The following CACNA1C variants were observed in gnomAD, a reference collection of about 807,000 sequenced individuals.
CACNA1C encodes calcium voltage-gated channel subunit alpha1 C, also known as voltage-dependent L-type calcium channel subunit alpha-1C.
CACNA1C carries 30 observed loss-of-function variants against 229.0 expected under a neutral mutation model. The ratio of observed to expected loss-of-function variants is 0.13; its 90% CI spans 0.10 to 0.18. The LOEUF is 0.18. CACNA1C is among the 10% of genes least tolerant of loss of function. The pLI, the probability that CACNA1C is intolerant of heterozygous loss-of-function variation, is 1.00. For missense variants in CACNA1C, 1,658 were observed against 2,845.0 expected, an observed-to-expected ratio of 0.58 and a Z score of 9.49; for synonymous variants, 1,114 against 1,132.5, an observed-to-expected ratio of 0.98 and a Z score of 0.33.
intron 3 of CACNA1C, among the ~76,000 whole-genome samples, chr12:2,279,794 G>T (rs1336731958): frequency 6.6e-6 from 1 of 152,194 alleles, no homozygotes. Flanking sequence ...CATTTATATT[G>T]TATTGGTTTT....
chr12:2,456,333 C>T (rs2099418415), intron 4 of CACNA1C, among the ~76,000 whole-genome samples: 1 of 152,358 alleles, frequency 6.6e-6, no homozygotes. Context: ...CAGCTGGTCT[C>T]TGGCCTCGCC....
intron 3 of CACNA1C, among the ~76,000 whole-genome samples, chr12:2,327,086 G>A (rs1450965531): frequency 2.0e-5 from 3 of 152,220 alleles, no homozygotes; most frequent in Non-Finnish European, 2.9e-5. Context: ...ATCAGCTAGT[G>A]AGCTGGAAGC....
At chr12:2,031,246 C>T (rs2048168721) in intron 1 of CACNA1C, among the ~76,000 whole-genome samples, 1 of 152,212 alleles carries the variant, frequency 6.6e-6, no homozygotes, top group African/African-American at 2.4e-5. Context: ...GGGGGTCCAA[C>T]CTGGATTTTG....
At chr12:2,017,355 G>A (rs2045568914) in intron 1 of CACNA1C, among the ~76,000 whole-genome samples, 1 of 152,172 alleles carries the variant, frequency 6.6e-6, no homozygotes, top group Admixed American at 6.5e-5. Context: ...AAAGAATTCC[G>A]TTAGTACTTT....
chr12:2,531,568 AGCTGAGGAGAGGAT>A (rs985591691), intron 9 of CACNA1C, among the ~76,000 whole-genome samples: 6 of 152,182 alleles, frequency 3.9e-5, no homozygotes, highest in African/African-American at 1.4e-4. Context: ...TCTGTGGCTA[AGCTGAGGAGAGGAT>A]GCCCTCATTT....
chr12:2,423,231 T>C (rs1053739369), intron 3 of CACNA1C, among the ~76,000 whole-genome samples: 1 of 152,158 alleles, frequency 6.6e-6, no homozygotes, highest in African/African-American at 2.4e-5. Flanking sequence ...AGTATTCTCA[T>C]GGTGCGTTTT....
intron 14 of CACNA1C, 146 bp downstream of exon 14, chr12:2,581,943 A>T: frequency 1.8e-6 from 1 of 559,116 alleles, no homozygotes; most frequent in East Asian, 2.8e-5. Context: ...GAGAGTCTTG[A>T]GTTTTTTCTG....
intron 3 of CACNA1C, among the ~76,000 whole-genome samples, chr12:2,425,047 G>A (rs553990421): frequency 1.2e-4 from 18 of 152,406 alleles, no homozygotes; most frequent in Admixed American, 5.9e-4. Context: ...ATGGCATGAG[G>A]CAGCCCTGGG....
chr12:1,974,468 A>G (rs2033652588), intron 1 of CACNA1C, among the ~76,000 whole-genome samples: 1 of 152,180 alleles, frequency 6.6e-6, no homozygotes, highest in African/African-American at 2.4e-5. Flanking sequence ...CTATGTAGAC[A>G]CTAATGTACT....
At chr12:2,548,645 A>G (rs936894194) in intron 9 of CACNA1C, among the ~76,000 whole-genome samples, 4 of 152,198 alleles carry the variant, frequency 2.6e-5, no homozygotes, top group African/African-American at 7.2e-5. Flanking sequence ...ACAGTCAAAC[A>G]TACGGTAAGT....
chr12:2,669,098 G>A lies in CACNA1C; in HGVS notation c.4726+63G>A. On this transcript the variant is annotated intron_variant, in intron 38 of 46. Transcript: ENST00000399655. The stretch of plus-strand genomic sequence containing the variant: ...AGGTCTAGCAGACAATCAGAGAGGA[G>A]CTCGGCAGCCTGCAAAGTGCTCAAG... The A allele has an allele frequency of 5.1e-6, 6 of 1,175,850 alleles. No individual in the cohort carries two copies. In the Admixed American group the frequency reaches 6.8e-5, roughly 13 times the overall value. The allele number at this position is 1,175,850 out of a possible 1,614,324, so 72.8% of individuals were successfully genotyped here. A position where few individuals can be genotyped will look rare whatever the true frequency, so the allele number is the denominator to read the frequency against.
chr12:2,362,806 C>T (rs1436748543), intron 3 of CACNA1C, among the ~76,000 whole-genome samples: 1 of 152,160 alleles, frequency 6.6e-6, no homozygotes, highest in Non-Finnish European at 1.5e-5. Context: ...GGCTCAGCCC[C>T]AGGTGCACAC....
intron 3 of CACNA1C, among the ~76,000 whole-genome samples, chr12:2,298,929 C>G (rs1470709106): frequency 6.6e-6 from 1 of 152,214 alleles, no homozygotes; most frequent in Non-Finnish European, 1.5e-5. Context: ...GTGGCTCCCA[C>G]CTCCGGGGAC....
chr12:2,239,476 G>A (rs1344257918), intron 3 of CACNA1C, among the ~76,000 whole-genome samples: 1 of 152,130 alleles, frequency 6.6e-6, no homozygotes, highest in Admixed American at 6.5e-5. Context: ...GACGTCAAAA[G>A]GGCCGTTCAT....
At chr12:2,211,607 T>C (rs1354988057) in intron 3 of CACNA1C, among the ~76,000 whole-genome samples, 2 of 152,138 alleles carry the variant, frequency 1.3e-5, no homozygotes, top group African/African-American at 4.8e-5. Flanking sequence ...TTCATGCAGG[T>C]TTGGCCTTGC....
Position 2,585,989 on chromosome 12 carries a change from T to C in CACNA1C, c.2530+85T>C. ...AAGCCACGTGGGAGTGGCCATATATTAGGGACCATGGTTCCAGTGTCCCTC... is the reference window on the plus strand; with the variant it reads ...AAGCCACGTGGGAGTGGCCATATATCAGGGACCATGGTTCCAGTGTCCCTC... On this transcript the variant is annotated intron_variant, in intron 18 of 46. Transcript: ENST00000399655. This position sits in a 1 kb window ranked among gnomAD's most constrained non-coding sequence, Gnocchi z 4.1. The C allele has an allele frequency of 1.4e-6, 1 of 731,590 alleles. No individual in the cohort carries two copies. Among genetic ancestry groups the C allele is most frequent in the Non-Finnish European group, 2.2e-6 (1 of 446,376 alleles). 45.3% of individuals were successfully genotyped at this position (731,590 alleles called of 1,614,324 possible).
At chr12:2,447,968 G>A (rs900147269) in intron 3 of CACNA1C, among the ~76,000 whole-genome samples, 1 of 152,270 alleles carries the variant, frequency 6.6e-6, no homozygotes, top group Non-Finnish European at 1.5e-5. Flanking sequence ...TGGCTCCAGT[G>A]AGGGATGGCT....
At chr12:2,009,862 A>G (rs975379389) in intron 1 of CACNA1C, among the ~76,000 whole-genome samples, 5 of 152,112 alleles carry the variant, frequency 3.3e-5, no homozygotes, top group Non-Finnish European at 5.9e-5. Context: ...TCAACAAATG[A>G]CCTCACCTAT....
At chr12:2,139,514 CTGT>C (rs1380464902) in intron 3 of CACNA1C, among the ~76,000 whole-genome samples, 1 of 151,270 alleles carries the variant, frequency 6.6e-6, no homozygotes, top group East Asian at 1.9e-4. Flanking sequence ...TTGCGCATGT[CTGT>C]GAGGGCCAGG....
Sources: gnomAD v4.1 joint callset for allele counts (sites outside exome capture counted in the v4.1 genomes callset) on GRCh38, gnomAD v4.1.1 for gene constraint, Gnocchi (gnomAD v3.1) non-coding constraint, MANE v1.5 for transcripts, NCBI Gene and HGNC (gene_info 2026-07-23, HGNC 2026-07-21) for gene names.